RSRC1: variants seen among roughly 807,000 people sequenced by gnomAD.
RSRC1 encodes the protein serine/Arginine-related protein 53.
In RSRC1, 39 loss-of-function variants were observed where a neutral mutation model predicts 49.1. The ratio of observed to expected loss-of-function variants is 0.79; its 90% CI spans 0.61 to 1.04. The LOEUF (loss-of-function observed/expected upper bound fraction) is 1.04, where lower values mean the gene tolerates loss of function less well. Ranked by LOEUF, RSRC1 falls within the 50% of genes least tolerant of loss-of-function variation. RSRC1 has a pLI of 0.00. For missense variants in RSRC1, 388 were observed against 402.4 expected, an observed-to-expected ratio of 0.96 and a Z score of 0.31; for synonymous variants, 143 against 130.8, an observed-to-expected ratio of 1.09 and a Z score of -0.63.
In RSRC1 at chr3:158,395,450, C is replaced by G. The variant is rs565351098; in HGVS notation, c.583+40542C>G. Among the ~76,000 whole-genome samples, 10 of 152,124 alleles carry G rather than the reference C, an allele frequency of 6.6e-5. No homozygotes were observed. The East Asian group carries it at 1.9e-3, about 29-fold the overall frequency. ...CTACGCATCTGACAAAGGTCAATAT[C>G]CAGAATCTATAAGGTACTTAAACAA... On this transcript the variant is annotated intron_variant, in intron 6 of 9. Coordinates refer to ENST00000611884, the MANE Select transcript of RSRC1 (RefSeq NM_001271838.2).
intron 5 of RSRC1, among the ~76,000 whole-genome samples, chr3:158,329,675 T>C (rs1043950784): frequency 6.6e-6 from 1 of 152,238 alleles, no homozygotes; most frequent in Non-Finnish European, 1.5e-5. Flanking sequence ...GTTAGGCTAC[T>C]CGGGGATCAG....
intron 4 of RSRC1, among the ~76,000 whole-genome samples, chr3:158,224,736 A>G (rs927998423): frequency 7.2e-5 from 11 of 151,948 alleles, no homozygotes; most frequent in East Asian, 3.9e-4. Context: ...GATATTTTCA[A>G]TGGTAAATGA....
At chr3:158,345,009 G>T (rs188647918) in intron 5 of RSRC1, among the ~76,000 whole-genome samples, 3 of 151,770 alleles carry the variant, frequency 2.0e-5, no homozygotes. Context: ...GCCTGAGGTC[G>T]GGAGTTTGAG....
intron 6 of RSRC1, among the ~76,000 whole-genome samples, chr3:158,438,649 A>G (rs939574863): frequency 1.3e-5 from 2 of 152,192 alleles, no homozygotes; most frequent in African/African-American, 4.8e-5. Flanking sequence ...ACTTCCTTAC[A>G]CCATATACAA....
intron 4 of RSRC1, among the ~76,000 whole-genome samples, chr3:158,283,317 T>A: frequency 7.0e-6 from 1 of 142,644 alleles, no homozygotes; most frequent in South Asian, 2.3e-4. Flanking sequence ...TAAATTGGAC[T>A]AATAATTTTT....
In RSRC1 at chr3:158,281,299, A is replaced by G. The variant is rs1009969996; in HGVS notation, c.495-16740A>G. On this transcript the variant is annotated intron_variant, in intron 4 of 9. Transcript: ENST00000611884. ...ATCAGTTTTGAAGGAGGAACTCAAGAATTTAGTTTTGGATCTATTGAGCAT... is the reference window on the plus strand; with the variant it reads ...ATCAGTTTTGAAGGAGGAACTCAAGGATTTAGTTTTGGATCTATTGAGCAT... 3.3e-5 allele frequency among the ~76,000 whole-genome samples: 5 copies of G among 152,170 alleles called. No homozygotes were observed. In the South Asian group the frequency reaches 8.3e-4, roughly 25 times the overall value.
At chr3:158,424,328 T>C (rs1373856019) in intron 6 of RSRC1, among the ~76,000 whole-genome samples, 1 of 152,082 alleles carries the variant, frequency 6.6e-6, no homozygotes, top group East Asian at 1.9e-4. Flanking sequence ...CTGCATCTAT[T>C]GAGATAAACA....
At chr3:158,444,878 A>G (rs367995912) in intron 6 of RSRC1, among the ~76,000 whole-genome samples, 1 of 152,232 alleles carries the variant, frequency 6.6e-6, no homozygotes, top group Non-Finnish European at 1.5e-5. Context: ...GAAGACATTT[A>G]TGCAGCCAAA....
At chr3:158,202,736 A>G (rs918111645) in intron 3 of RSRC1, among the ~76,000 whole-genome samples, 1 of 151,566 alleles carries the variant, frequency 6.6e-6, no homozygotes, top group Non-Finnish European at 1.5e-5. Flanking sequence ...AATGGAAGCA[A>G]AGATTGTAGA....
chr3:158,470,218 T>C (rs769900182), intron 7 of RSRC1, among the ~76,000 whole-genome samples: 26 of 152,064 alleles, frequency 1.7e-4, no homozygotes, highest in South Asian at 1.5e-3. Context: ...GGCGGACTTA[T>C]GAACTTTGAT....
intron 6 of RSRC1, among the ~76,000 whole-genome samples, chr3:158,457,171 G>T (rs527996529): frequency 1.3e-5 from 2 of 152,244 alleles, no homozygotes; most frequent in South Asian, 4.1e-4. Flanking sequence ...GATCAAATAG[G>T]AGCTCCTTTC....
chr3:158,202,562 T>TTTTATATATAGATATATATATATATA (rs369404609), intron 3 of RSRC1, among the ~76,000 whole-genome samples: 2 of 92,024 alleles, frequency 2.2e-5, no homozygotes, highest in Admixed American at 1.1e-4. Context: ...GTCTGGTAGA[T>TTTTATATATAGATATATATATATATA]TATATATATA....
At position 158,325,393 on chromosome 3, in the gene RSRC1, A is replaced by C. The variant is rs1158186043; in HGVS notation, c.531+27318A>C. Among the ~76,000 whole-genome samples the C allele has an allele frequency of 5.3e-5, 8 of 152,176 alleles. No homozygotes were observed. The South Asian group carries it at 1.4e-3, about 28-fold the overall frequency. On this transcript the variant is annotated intron_variant, in intron 5 of 9. Transcript: ENST00000611884. ...GATTTAAGTCTTTAATCCATCTTGA[A>C]TTAATTTTTGTATATGGTGTAAGGA...
At chr3:158,118,846 C>A (rs1463797628) in intron 1 of RSRC1, among the ~76,000 whole-genome samples, 4 of 152,198 alleles carry the variant, frequency 2.6e-5, no homozygotes, top group African/African-American at 9.7e-5. Flanking sequence ...GGGGCCTGCC[C>A]TTTTTGGGGG....
intron 5 of RSRC1, among the ~76,000 whole-genome samples, chr3:158,300,621 C>A (rs1727489423): frequency 6.6e-6 from 1 of 151,790 alleles, no homozygotes; most frequent in African/African-American, 2.4e-5. Flanking sequence ...GGCTGTATAT[C>A]CAAATACAAT....
At position 158,470,701 on chromosome 3, in the gene RSRC1, A is replaced by G. The variant is rs533567635; in HGVS notation, c.652+9698A>G. 3.3e-5 allele frequency among the ~76,000 whole-genome samples: 5 copies of G among 152,308 alleles called. No homozygotes were observed. The South Asian group carries it at 8.3e-4, about 25-fold the overall frequency. On this transcript the variant is annotated intron_variant, in intron 7 of 9. Transcript: ENST00000611884. ...ACTTACCACTGTTTTAAAATAGAGA[A>G]AGCTGAATTTATGTATATAAAACCA... is the stretch of plus-strand genomic sequence containing the variant.
At chr3:158,334,468 C>A (rs1000136370) in intron 5 of RSRC1, among the ~76,000 whole-genome samples, 1 of 140,256 alleles carries the variant, frequency 7.1e-6, no homozygotes, top group Non-Finnish European at 1.5e-5. Context: ...AAAAAGGTCT[C>A]AATTTCTAAC....
chr3:158,361,473 AGG>A (rs1731468713), intron 6 of RSRC1, among the ~76,000 whole-genome samples: 1 of 152,136 alleles, frequency 6.6e-6, no homozygotes, highest in South Asian at 2.1e-4. Flanking sequence ...CACGGGACAC[AGG>A]GGACCCACTA....
At chr3:158,435,866 T>C (rs1170205218) in intron 6 of RSRC1, among the ~76,000 whole-genome samples, 2 of 151,804 alleles carry the variant, frequency 1.3e-5, no homozygotes, top group African/African-American at 2.4e-5. Flanking sequence ...TCCACACATA[T>C]ATCTTAAAAA....
Sources: allele counts gnomAD v4.1 joint callset (sites outside exome capture counted in the v4.1 genomes callset), GRCh38; gene constraint gnomAD v4.1.1; transcripts MANE v1.5; gene names NCBI Gene and HGNC (gene_info 2026-07-23, HGNC 2026-07-21).